Variants in SLC9B2 observed in about 807,000 individuals in gnomAD.
SLC9B2 encodes sodium/hydrogen exchanger 9B2.
A neutral mutation model predicts 52.2 loss-of-function variants in SLC9B2; 39 were observed. The observed-to-expected ratio is 0.75, with a 90% CI of 0.58 to 0.98. SLC9B2 has a LOEUF of 0.98. SLC9B2 is among the 50% of genes least tolerant of loss of function. The pLI, the probability that SLC9B2 is intolerant of heterozygous loss-of-function variation, is 0.00. For synonymous variants in SLC9B2, 214 were observed against 227.0 expected (o/e 0.94, Z 0.51); for missense variants, 626 against 637.5 (o/e 0.98, Z 0.19).
intron 4 of SLC9B2, 129 bp from the exon 5 acceptor site, chr4:103,050,511 T>C: frequency 1.2e-6 from 1 of 823,842 alleles, no homozygotes. Context: ...GAAATTAAGT[T>C]AAACTTTTAA....
chr4:103,019,577 C>A (rs1741641952), downstream of SLC9B2: 1 of 985,186 alleles, frequency 1.0e-6, no homozygotes, highest in African/African-American at 1.7e-5. Context: ...GGAAGGGCGG[C>A]GTTAAGAAAA....
intron 9 of SLC9B2, among the ~76,000 whole-genome samples, chr4:103,036,810 C>A (rs557346674): frequency 1.4e-4 from 22 of 151,846 alleles, no homozygotes; most frequent in African/African-American, 5.1e-4. Flanking sequence ...ATTATACTGT[C>A]TAAGAATTTA....
At position 103,067,382 on chromosome 4, in the gene SLC9B2, G is replaced by GT. The variant is rs2110661909; in HGVS notation, c.90+78dup. On this transcript the variant is annotated intron_variant, in intron 2 of 11. Transcript: ENST00000394785. ...GGTAGTCACACCTGCCTTGGATTGT[G>GT]TAAGTTTGGGGATAGGAGAATTGGT... 3 of 1,326,664 alleles carry GT rather than the reference G, an allele frequency of 2.3e-6. No homozygotes were observed. The Admixed American group carries it at 5.1e-5, about 22-fold the overall frequency. 82.2% of individuals were successfully genotyped at this position (1,326,664 alleles called of 1,614,324 possible).
intron 1 of SLC9B2, among the ~76,000 whole-genome samples, chr4:103,074,176 C>T (rs557620967): frequency 6.6e-6 from 1 of 152,284 alleles, no homozygotes; most frequent in Non-Finnish European, 1.5e-5. Context: ...TGGGACAATT[C>T]TAGCAGCCAT....
At chr4:103,027,799 C>G (rs1453584288) in intron 11 of SLC9B2, among the ~76,000 whole-genome samples, 2 of 152,062 alleles carry the variant, frequency 1.3e-5, no homozygotes, top group African/African-American at 4.8e-5. Context: ...TTTTGAAAGT[C>G]TGATAGGGGT....
intron 9 of SLC9B2, among the ~76,000 whole-genome samples, chr4:103,040,225 T>G (rs981284336): frequency 1.3e-5 from 2 of 152,194 alleles, no homozygotes; most frequent in African/African-American, 4.8e-5. Context: ...GGTACAAAGA[T>G]TACTTAGACT....
At chr4:103,064,111 T>C (rs1038446497) in intron 3 of SLC9B2, among the ~76,000 whole-genome samples, 11 of 152,238 alleles carry the variant, frequency 7.2e-5, no homozygotes, top group African/African-American at 2.6e-4. Context: ...GTAAAAATGG[T>C]ACTACCATAT....
At chr4:103,036,301 T>C (rs2110587574) in intron 9 of SLC9B2, among the ~76,000 whole-genome samples, 1 of 152,254 alleles carries the variant, frequency 6.6e-6, no homozygotes, top group East Asian at 1.9e-4. Flanking sequence ...CAGTTATCAC[T>C]TACAAGTGGG....
In SLC9B2 at chr4:103,057,780, C is replaced by T. The variant is rs775408551; in HGVS notation, c.442+21G>A. Reference sequence around the variant, plus strand: ...AAAATATAGTTTACTCTGGATAGAACAGGAAACATTTAGCACTTACCAAGA... The same window carrying T: ...AAAATATAGTTTACTCTGGATAGAATAGGAAACATTTAGCACTTACCAAGA... On this transcript the variant is annotated intron_variant, in intron 4 of 11. Transcript: ENST00000394785. 3 of 1,605,732 alleles carry T rather than the reference C, an allele frequency of 1.9e-6. No individual in the cohort carries two copies. The Admixed American group carries it at 5.2e-5, about 28-fold the overall frequency.
intron 3 of SLC9B2, among the ~76,000 whole-genome samples, chr4:103,065,151 G>C (rs992307969): frequency 6.9e-6 from 1 of 144,976 alleles, no homozygotes; most frequent in Non-Finnish European, 1.5e-5. Context: ...TAAATCTGAA[G>C]ATCCATGAAA....
chr4:103,035,076 C>T (rs1295822356), intron 9 of SLC9B2, among the ~76,000 whole-genome samples: 1 of 152,082 alleles, frequency 6.6e-6, no homozygotes, highest in Admixed American at 6.6e-5. Context: ...ATTATTTCAT[C>T]ACTCTGGTAT....
chr4:103,065,441 C>T (rs1713158971), intron 3 of SLC9B2: 2 of 151,974 alleles, frequency 1.3e-5, no homozygotes, highest in Admixed American at 1.3e-4. Flanking sequence ...TTAGTCATTC[C>T]AGTATGTATA....
chr4:103,047,336 C>A, intron 6 of SLC9B2, 110 bp from the exon 7 acceptor site: 3 of 688,560 alleles, frequency 4.4e-6, no homozygotes, highest in Admixed American at 4.2e-5. Flanking sequence ...AACAGTCTTT[C>A]TTTTTTTTTT....
downstream of SLC9B2, chr4:103,020,035 T>A: frequency 1.7e-6 from 1 of 597,242 alleles, no homozygotes; most frequent in Non-Finnish European, 2.1e-6. Context: ...AAGAGCACGG[T>A]CTCTCCCCAA....
chr4:103,036,735 A>C (rs2110588524), intron 9 of SLC9B2, among the ~76,000 whole-genome samples: 1 of 152,182 alleles, frequency 6.6e-6, no homozygotes, highest in East Asian at 1.9e-4. Context: ...CTTTGTAAGG[A>C]AACTCACCAT....
intron 1 of SLC9B2, among the ~76,000 whole-genome samples, chr4:103,073,911 T>A (rs1419823978): frequency 6.6e-6 from 1 of 152,204 alleles, no homozygotes; most frequent in Non-Finnish European, 1.5e-5. Flanking sequence ...AGGACCCTTC[T>A]CCCGCCCTAG....
intron 3 of SLC9B2, among the ~76,000 whole-genome samples, chr4:103,061,342 A>C (rs1745622853): frequency 6.6e-6 from 1 of 152,238 alleles, no homozygotes; most frequent in African/African-American, 2.4e-5. Flanking sequence ...AAAAATGATG[A>C]GTTCATGTCC....
intron 10 of SLC9B2, 140 bp from the exon 11 acceptor site, chr4:103,029,023 AAT>A (rs1260450619): frequency 1.4e-6 from 1 of 716,856 alleles, no homozygotes; most frequent in African/African-American, 1.9e-5. Context: ...GTTTAGGAAG[AAT>A]ATATAAAAAC....
At chr4:103,043,554 A>G (rs1173372012) in intron 8 of SLC9B2, 109 bp from the exon 9 acceptor site, 6 of 1,039,244 alleles carry the variant, frequency 5.8e-6, no homozygotes, top group African/African-American at 4.8e-5. Context: ...TAAAATGTCT[A>G]TATAAATAGA....
Sources: gnomAD v4.1 joint callset for allele counts (sites outside exome capture counted in the v4.1 genomes callset) on GRCh38, gnomAD v4.1.1 for gene constraint, MANE v1.5 for transcripts, NCBI Gene and HGNC (gene_info 2026-07-23, HGNC 2026-07-21) for gene names.